NAA16: variants seen among roughly 807,000 people sequenced by gnomAD.
NAA16 encodes NARG1-like protein.
In NAA16, 97 loss-of-function variants were observed where a neutral mutation model predicts 110.3. The ratio of observed to expected loss-of-function variants is 0.88; its 90% CI spans 0.75 to 1.04. The LOEUF (loss-of-function observed/expected upper bound fraction) is 1.04. Among genes scored for constraint, NAA16 ranks in the 50% least tolerant of loss-of-function variants. The pLI is 0.00. For missense variants in NAA16, 1,017 were observed against 1,005.1 expected (o/e 1.01, Z -0.16); for synonymous variants, 372 against 330.6 (o/e 1.13, Z -1.36).
chr13:41,359,656 C>T (rs915090280), intron 12 of NAA16, among the ~76,000 whole-genome samples: 2 of 152,118 alleles, frequency 1.3e-5, no homozygotes, highest in African/African-American at 2.4e-5. Flanking sequence ...CTCCAATATC[C>T]CTCTCTGTCA....
intron 13 of NAA16, among the ~76,000 whole-genome samples, chr13:41,363,345 C>T (rs1184663279): frequency 6.6e-6 from 1 of 152,160 alleles, no homozygotes; most frequent in Non-Finnish European, 1.5e-5. Context: ...TATGAAGAGG[C>T]TGCTAGGCAC....
intron 6 of NAA16, among the ~76,000 whole-genome samples, chr13:41,327,357 T>A (rs2042120554): frequency 6.6e-6 from 1 of 152,090 alleles, no homozygotes; most frequent in South Asian, 2.1e-4. Context: ...ATTTCCTGAT[T>A]AAATCTTAAC....
In NAA16 at chr13:41,318,773, A is replaced by G. The variant is rs1028979130; in HGVS notation, c.140-33A>G. 6 of 1,236,478 alleles carry G rather than the reference A, an allele frequency of 4.9e-6. No individual in the cohort carries two copies. In the Admixed American group the frequency reaches 6.9e-5, roughly 14 times the overall value. The allele number at this position is 1,236,478 out of a possible 1,614,324, so 76.6% of individuals were successfully genotyped here. ...GAGAATAAGAGAATAATTTTGTGTC[A>G]TTTGTAAATAGAGTTTAAAAATTAT... On this transcript the variant is annotated intron_variant, in intron 2 of 19. Coordinates refer to ENST00000379406, the MANE Select transcript of NAA16 (RefSeq NM_024561.5).
intron 8 of NAA16, among the ~76,000 whole-genome samples, chr13:41,334,254 T>C (rs1345033577): frequency 6.6e-6 from 1 of 152,156 alleles, no homozygotes; most frequent in Admixed American, 6.6e-5. Flanking sequence ...AAGGGCTTCA[T>C]ACCTACAGAA....
chr13:41,362,833 C>T, intron 13 of NAA16: 3 of 1,289,114 alleles, frequency 2.3e-6, no homozygotes, highest in Non-Finnish European at 3.0e-6. Context: ...CACCACTGTT[C>T]CCATCCTGAC....
intron 10 of NAA16, 146 bp from the exon 11 acceptor site, chr13:41,358,158 C>G (rs1361446667): frequency 5.8e-6 from 4 of 693,030 alleles, no homozygotes; most frequent in Middle Eastern, 3.9e-4. Flanking sequence ...GAAGTCATAC[C>G]TCTTTCTTTT....
At chr13:41,346,957 G>A (rs551299304) in intron 9 of NAA16, among the ~76,000 whole-genome samples, 3 of 152,190 alleles carry the variant, frequency 2.0e-5, no homozygotes, top group Admixed American at 2.0e-4. Flanking sequence ...GGTGGCTCAC[G>A]CCTGTAATCC....
At chr13:41,342,750 T>A (rs778058593) in intron 9 of NAA16, among the ~76,000 whole-genome samples, 1 of 152,154 alleles carries the variant, frequency 6.6e-6, no homozygotes, top group Non-Finnish European at 1.5e-5. Context: ...GGACAGTGAG[T>A]GAGATGTTTG....
chr13:41,372,122 C>T, intron 15 of NAA16, 81 bp from the exon 16 acceptor site: 1 of 1,144,512 alleles, frequency 8.7e-7, no homozygotes, highest in Non-Finnish European at 1.2e-6. Flanking sequence ...TTACTTTAGA[C>T]ATATGTTAAT....
chr13:41,371,944 G>T (rs541495255), intron 15 of NAA16, among the ~76,000 whole-genome samples: 3 of 152,120 alleles, frequency 2.0e-5, no homozygotes, highest in Admixed American at 6.5e-5. Flanking sequence ...TTAAGTCTGT[G>T]GAATAACTTT....
At chr13:41,328,910 A>G in intron 7 of NAA16, 67 bp downstream of exon 7, 1 of 1,352,590 alleles carries the variant, frequency 7.4e-7, no homozygotes, top group Non-Finnish European at 1.0e-6. Context: ...GTAAAGTTGT[A>G]ATAATACTTG....
chr13:41,320,130 C>T (rs577689078), intron 3 of NAA16, among the ~76,000 whole-genome samples: 135 of 152,220 alleles, frequency 8.9e-4, no homozygotes, highest in Middle Eastern at 6.8e-3. Context: ...TATGCTAATA[C>T]TTTAATTTAT....
At chr13:41,372,931 T>C in intron 17 of NAA16, 101 bp downstream of exon 17, 2 of 1,237,776 alleles carry the variant, frequency 1.6e-6, no homozygotes, top group South Asian at 5.5e-5. Flanking sequence ...TAACCCTCTC[T>C]TTGTGAAGTA....
At chr13:41,319,000 C>A in intron 3 of NAA16, 90 bp downstream of exon 3, 1 of 598,678 alleles carries the variant, frequency 1.7e-6, no homozygotes, top group Non-Finnish European at 2.7e-6. Flanking sequence ...TCCAAACCTA[C>A]GTAGAAGAGA....
Position 41,358,887 on chromosome 13 carries a change from T to C in NAA16, c.1335T>C (p.Asn445=). Residue 445 remains asparagine (N), a synonymous_variant, in exon 12 of 20, where the codon AAT becomes AAC. Coordinates refer to ENST00000379406, the MANE Select transcript of NAA16 (RefSeq NM_024561.5). The stretch of plus-strand genomic sequence containing the variant: ...TGGACACAGCTGATAGATTCATCAA[T>C]TCCAAATGTGCAAAATACATGCTTC... The part of the protein sequence containing the change: ...QSLDTADRFI[N]SKCAKYMLRA... The C allele has an allele frequency of 6.2e-7, 1 of 1,612,912 alleles. No individual in the cohort carries two copies. The highest frequency in any genetic ancestry group is 8.5e-7 in the Non-Finnish European group (1 of 1,179,166).
At chr13:41,324,669 C>T (rs1327390149) in intron 5 of NAA16, among the ~76,000 whole-genome samples, 7 of 150,910 alleles carry the variant, frequency 4.6e-5, no homozygotes, top group Non-Finnish European at 7.4e-5. Context: ...CCACCGTGCC[C>T]GGCCAATTTC....
In NAA16 at chr13:41,319,087, C is replaced by T. The variant is rs185108963; in HGVS notation, c.244+177C>T. On this transcript the variant is annotated intron_variant, in intron 3 of 19. Coordinates refer to ENST00000379406, the MANE Select transcript of NAA16 (RefSeq NM_024561.5). ...TTTTGTAATACTAGTTTCTTTTTTG[C>T]TTGTGCCCCTCCTCCTATATTAGTT... Among the ~76,000 whole-genome samples the T allele has an allele frequency of 1.9e-3, 283 of 152,094 alleles. 2 individuals are homozygous for T. The highest frequency in any genetic ancestry group is 6.8e-3 in the Middle Eastern group (2 of 294).
At chr13:41,331,242 C>T in intron 7 of NAA16, 32 bp from the exon 8 acceptor site, 1 of 1,330,188 alleles carries the variant, frequency 7.5e-7, no homozygotes, top group Non-Finnish European at 1.1e-6. Flanking sequence ...AGTTTTGATG[C>T]TATGAATCTC....
In NAA16 at chr13:41,314,200, A is replaced by G. The variant is rs190375080; in HGVS notation, c.54+2618A>G. Among the ~76,000 whole-genome samples the G allele has an allele frequency of 1.4e-4, 22 of 152,340 alleles. No individual in the cohort carries two copies. The East Asian group carries it at 3.3e-3, about 23-fold the overall frequency. On this transcript the variant is annotated intron_variant, in intron 1 of 19. Coordinates refer to ENST00000379406, the MANE Select transcript of NAA16 (RefSeq NM_024561.5). The stretch of plus-strand genomic sequence containing the variant: ...AGCTGTCATGGGATGAAGGAAAAAA[A>G]TAACAGTGTCTGGACGTATAGTAAA...
Sources: gnomAD v4.1 joint callset for allele counts (sites outside exome capture counted in the v4.1 genomes callset) on GRCh38, gnomAD v4.1.1 for gene constraint, MANE v1.5 for transcripts, NCBI Gene and HGNC (gene_info 2026-07-23, HGNC 2026-07-21) for gene names.